Variants in CADM1 observed in about 807,000 individuals in gnomAD.
The protein encoded by CADM1 is cell adhesion molecule 1, also known as TSLC-1.
Under a neutral mutation model 53.1 loss-of-function variants are expected in CADM1, and 15 were observed. That is an observed-to-expected ratio of 0.28 (90% CI 0.19 to 0.44). The LOEUF (loss-of-function observed/expected upper bound fraction) is 0.44, where lower values mean the gene tolerates loss of function less well. Ranked by LOEUF, CADM1 falls within the 20% of genes least tolerant of loss-of-function variation. The pLI is 1.00. For missense variants in CADM1, 434 were observed against 611.3 expected, an observed-to-expected ratio of 0.71 and a Z score of 3.06; for synonymous variants, 281 against 243.0, an observed-to-expected ratio of 1.16 and a Z score of -1.45.
intron 1 of CADM1, among the ~76,000 whole-genome samples, chr11:115,455,104 T>C (rs1328895736): frequency 6.6e-6 from 1 of 152,206 alleles, no homozygotes; most frequent in Non-Finnish European, 1.5e-5. Context: ...CTTTCTAGAC[T>C]CTTTATCAGA....
At chr11:115,502,745 C>T (rs902377022) in intron 1 of CADM1, among the ~76,000 whole-genome samples, 3 of 152,128 alleles carry the variant, frequency 2.0e-5, no homozygotes, top group African/African-American at 7.2e-5. Context: ...CCCGGCGTCC[C>T]CCAAATCTCA....
Position 115,238,571 on chromosome 11 carries a change from T to A in CADM1, c.353A>T (p.Asp118Val). The A allele has an allele frequency of 6.2e-7, 1 of 1,613,864 alleles. No individual in the cohort carries two copies. The highest frequency in any genetic ancestry group is 1.7e-4 in the Middle Eastern group (1 of 6,060). ...KVSLTNVSIS[D>V]EGRYFCQLYT... ...GAGCTGGCAAAAGTATCTTCCTTCATCAGAAATTGAGACGTTTGTCAATGA... is the reference window on the plus strand; with the variant it reads ...GAGCTGGCAAAAGTATCTTCCTTCAACAGAAATTGAGACGTTTGTCAATGA... Residue 118 changes from aspartate to valine, a missense_variant, in exon 3 of 12, where the codon GAT (aspartate) becomes GTT (valine). Around this residue, in one of 4 missense-constraint regions of CADM1, gnomAD observed 311 missense variants for 435.1 expected, o/e 0.71. Coordinates refer to ENST00000331581, the MANE Select transcript of CADM1 (RefSeq NM_001301043.2).
intron 1 of CADM1, among the ~76,000 whole-genome samples, chr11:115,243,857 G>C (rs1352252129): frequency 6.6e-6 from 1 of 152,168 alleles, no homozygotes; most frequent in Non-Finnish European, 1.5e-5. Context: ...TGTCAAGGCA[G>C]AAACAGGACA....
At chr11:115,496,244 T>C (rs1949608856) in intron 1 of CADM1, among the ~76,000 whole-genome samples, 1 of 152,226 alleles carries the variant, frequency 6.6e-6, no homozygotes, top group African/African-American at 2.4e-5. Flanking sequence ...AGGTACCTTT[T>C]AGGTAAGTAT....
chr11:115,458,953 G>C (rs1457355499), intron 1 of CADM1, among the ~76,000 whole-genome samples: 1 of 152,008 alleles, frequency 6.6e-6, no homozygotes, highest in African/African-American at 2.4e-5. Context: ...TGCATACAAC[G>C]CATAGCAAGG....
At chr11:115,214,235 G>C (rs1232372087) in intron 7 of CADM1, among the ~76,000 whole-genome samples, 1 of 152,196 alleles carries the variant, frequency 6.6e-6, no homozygotes, top group East Asian at 1.9e-4. Flanking sequence ...GAGAAAGCTA[G>C]CCCAGGTATC....
intron 1 of CADM1, among the ~76,000 whole-genome samples, chr11:115,306,177 A>G (rs183848253): frequency 6.6e-6 from 1 of 151,674 alleles, no homozygotes; most frequent in Non-Finnish European, 1.5e-5. Flanking sequence ...CCATAAGATT[A>G]TAATACTGTA....
intron 1 of CADM1, among the ~76,000 whole-genome samples, chr11:115,468,860 C>T (rs1948949660): frequency 6.6e-6 from 1 of 152,186 alleles, no homozygotes; most frequent in Non-Finnish European, 1.5e-5. Flanking sequence ...AGGGAGGCCT[C>T]ACAATCATGG....
intron 1 of CADM1, among the ~76,000 whole-genome samples, chr11:115,282,267 G>C (rs971097667): frequency 6.6e-6 from 1 of 152,124 alleles, no homozygotes; most frequent in South Asian, 2.1e-4. Context: ...TATGTAACAT[G>C]CTTAAGGAAG....
chr11:115,330,876 C>T (rs1372367177), intron 1 of CADM1, among the ~76,000 whole-genome samples: 1 of 152,152 alleles, frequency 6.6e-6, no homozygotes, highest in Admixed American at 6.5e-5. Context: ...GAACCACCTC[C>T]ACCCAAGAAG....
chr11:115,434,445 G>A (rs1000288231), intron 1 of CADM1, among the ~76,000 whole-genome samples: 4 of 152,188 alleles, frequency 2.6e-5, no homozygotes, highest in South Asian at 2.1e-4. Flanking sequence ...ATTGCCCGAC[G>A]CTGACTACAC....
chr11:115,310,173 AG>A (rs1231375001), intron 1 of CADM1, among the ~76,000 whole-genome samples: 2 of 152,168 alleles, frequency 1.3e-5, no homozygotes, highest in African/African-American at 4.8e-5. Flanking sequence ...CATAAGTAAA[AG>A]GTCAAGGTTA....
chr11:115,441,886 A>C (rs1221729812), intron 1 of CADM1, among the ~76,000 whole-genome samples: 1 of 152,046 alleles, frequency 6.6e-6, no homozygotes, highest in Non-Finnish European at 1.5e-5. Context: ...AACAAAAAAA[A>C]CCCATGATAG....
intron 1 of CADM1, among the ~76,000 whole-genome samples, chr11:115,495,986 C>T (rs556843987): frequency 1.0e-3 from 156 of 152,244 alleles, no homozygotes; most frequent in African/African-American, 3.6e-3. Flanking sequence ...TTCTAAAGGA[C>T]TTCACTTTTT....
chr11:115,460,126 AC>A (rs1047708738), intron 1 of CADM1, among the ~76,000 whole-genome samples: 3 of 150,528 alleles, frequency 2.0e-5, no homozygotes, highest in Admixed American at 6.6e-5. Flanking sequence ...TACCTTCCAA[AC>A]CCCCTCTCCT....
chr11:115,295,537 T>TA (rs1565349345), intron 1 of CADM1, among the ~76,000 whole-genome samples: 1 of 87,580 alleles, frequency 1.1e-5, no homozygotes, highest in East Asian at 4.3e-4. Flanking sequence ...TATATATATA[T>TA]ATATATATAT....
intron 1 of CADM1, among the ~76,000 whole-genome samples, chr11:115,363,884 GAT>G (rs1946091166): frequency 6.6e-6 from 1 of 152,080 alleles, no homozygotes; most frequent in Non-Finnish European, 1.5e-5. Context: ...TTTCTGTTTA[GAT>G]ATGTTTAGAT....
At chr11:115,467,935 CATTAATT>C (rs1264875437) in intron 1 of CADM1, among the ~76,000 whole-genome samples, 1 of 152,184 alleles carries the variant, frequency 6.6e-6, no homozygotes, top group Non-Finnish European at 1.5e-5. Context: ...CTCTTCTTAA[CATTAATT>C]ATTAAGAAAA....
intron 1 of CADM1, among the ~76,000 whole-genome samples, chr11:115,345,350 C>T (rs1350305734): frequency 6.6e-6 from 1 of 152,180 alleles, no homozygotes; most frequent in African/African-American, 2.4e-5. Context: ...ATAAATTTAA[C>T]ATGATTTTCC....
Sources: allele counts gnomAD v4.1 joint callset (sites outside exome capture counted in the v4.1 genomes callset), GRCh38; gene constraint gnomAD v4.1.1; regional missense constraint gnomAD v4.1.1; transcripts MANE v1.5; gene names NCBI Gene and HGNC (gene_info 2026-07-23, HGNC 2026-07-21).